The following SYNDIG1L variants were observed in gnomAD, a reference collection of about 807,000 sequenced individuals.
SYNDIG1L encodes synapse differentiation-inducing gene protein 1-like.
Under a neutral mutation model 20.1 loss-of-function variants are expected in SYNDIG1L, and 13 were observed. The observed-to-expected ratio is 0.65, with a 90% confidence interval of 0.42 to 1.03. SYNDIG1L has a LOEUF of 1.03. Ranked by LOEUF, SYNDIG1L falls within the 50% of genes least tolerant of loss-of-function variation. SYNDIG1L has a pLI of 0.00. For missense variants in SYNDIG1L, 294 were observed against 305.1 expected (o/e 0.96, Z 0.27); for synonymous variants, 128 against 129.3 (o/e 0.99, Z 0.07).
At chr14:74,445,929 A>G in the SYNDIG1L span, among the ~76,000 whole-genome samples, 3 of 152,178 alleles carry the variant, frequency 2.0e-5, no homozygotes, top group African/African-American at 4.8e-5. Context: ...ATTCCTCAAA[A>G]TAATAACCCT....
chr14:74,421,730 G>A (rs757204861), intron 1 of SYNDIG1L, among the ~76,000 whole-genome samples: 5 of 152,176 alleles, frequency 3.3e-5, no homozygotes, highest in Non-Finnish European at 5.9e-5. Flanking sequence ...GAGAATCGTC[G>A]AAGGACCTTT....
chr14:74,425,460 A>T (rs570747462), intron 1 of SYNDIG1L, among the ~76,000 whole-genome samples: 8 of 152,342 alleles, frequency 5.3e-5, no homozygotes, highest in Admixed American at 4.6e-4. Flanking sequence ...CAGGGCAGAG[A>T]AATCTCAGAG....
chr14:74,412,446 G>T (rs1474972442), intron 1 of SYNDIG1L, among the ~76,000 whole-genome samples: 1 of 152,176 alleles, frequency 6.6e-6, no homozygotes, highest in Non-Finnish European at 1.5e-5. Context: ...TTTTGATGTG[G>T]CCTCTCAGTT....
At chr14:74,447,985 A>T in the SYNDIG1L span, among the ~76,000 whole-genome samples, 50 of 152,306 alleles carry the variant, frequency 3.3e-4, no homozygotes, top group African/African-American at 1.1e-3. Flanking sequence ...CCCCTAAGTA[A>T]GTCCTAAAGT....
At chr14:74,478,673 T>C in the SYNDIG1L span, among the ~76,000 whole-genome samples, 446 of 152,304 alleles carry the variant, frequency 2.9e-3, 1 homozygote, top group African/African-American at 0.01. Context: ...TCCAGGCCTT[T>C]CAGAAAGTTC....
chr14:74,464,708 A>G, the SYNDIG1L span, among the ~76,000 whole-genome samples: 1 of 152,210 alleles, frequency 6.6e-6, no homozygotes, highest in East Asian at 1.9e-4. Context: ...GCACGTAACA[A>G]TCCCCTCCCT....
the SYNDIG1L span, among the ~76,000 whole-genome samples, chr14:74,439,341 C>A: frequency 6.6e-6 from 1 of 152,110 alleles, no homozygotes; most frequent in Admixed American, 6.5e-5. Flanking sequence ...TTAAACAACA[C>A]ACCTTAAGTC....
the SYNDIG1L span, among the ~76,000 whole-genome samples, chr14:74,465,816 G>A: frequency 3.2e-4 from 49 of 152,198 alleles, 1 homozygote; most frequent in Admixed American, 3.0e-3. Flanking sequence ...TAGAAGTGGG[G>A]TCTTCACTGG....
At chr14:74,474,066 A>T in the SYNDIG1L span, 1 of 152,238 alleles carries the variant, frequency 6.6e-6, no homozygotes, top group African/African-American at 2.4e-5. Context: ...ATTAACTGCT[A>T]GTCCTCTGCA....
chr14:74,440,458 T>G, the SYNDIG1L span, among the ~76,000 whole-genome samples: 9 of 140,262 alleles, frequency 6.4e-5, no homozygotes, highest in South Asian at 2.2e-4. Flanking sequence ...GAGCTTGCAG[T>G]GAGCCAAGAT....
At chr14:74,430,493 T>C (rs981247715), upstream of SYNDIG1L, among the ~76,000 whole-genome samples, 21 of 151,648 alleles carry the variant, frequency 1.4e-4, no homozygotes, top group Admixed American at 1.1e-3. Flanking sequence ...TAGAGTGCAA[T>C]GGCATGATCT....
At chr14:74,473,193 C>T in the SYNDIG1L span, among the ~76,000 whole-genome samples, 2 of 151,314 alleles carry the variant, frequency 1.3e-5, no homozygotes, top group South Asian at 4.2e-4. Context: ...TAAGACTAGC[C>T]TGGCCAATAT....
At chr14:74,453,645 A>G in the SYNDIG1L span, among the ~76,000 whole-genome samples, 2 of 152,034 alleles carry the variant, frequency 1.3e-5, no homozygotes, top group African/African-American at 4.8e-5. Context: ...AAGAAGTTAG[A>G]AAAAGAAGAC....
At chr14:74,454,534 T>A in the SYNDIG1L span, among the ~76,000 whole-genome samples, 1 of 152,346 alleles carries the variant, frequency 6.6e-6, no homozygotes, top group South Asian at 2.1e-4. Flanking sequence ...CGCTTCCTTT[T>A]ATTCATTATA....
At chr14:74,411,578 G>A (rs971582573) in intron 1 of SYNDIG1L, among the ~76,000 whole-genome samples, 1 of 152,194 alleles carries the variant, frequency 6.6e-6, no homozygotes, top group South Asian at 2.1e-4. Flanking sequence ...CTAGGAAGCT[G>A]GTTCCTGAGA....
chr14:74,409,432 G>A lies in SYNDIG1L; in HGVS notation c.313C>T (p.Pro105Ser), dbSNP rs369180673. 5.6e-6 allele frequency: 9 copies of A among 1,613,612 alleles called. No individual in the cohort carries two copies. The African/African-American group carries it at 1.1e-4, about 19-fold the overall frequency. Reference sequence around the variant, plus strand: ...TCTGCAGCTTGGCCAGGTCCTGTGGGCTGCTCTGGAGGCCCCTCCTGGGGC... The same window carrying A: ...TCTGCAGCTTGGCCAGGTCCTGTGGACTGCTCTGGAGGCCCCTCCTGGGGC... ...REPQEGPPEQPTGPGQAAENV... is the reference protein window; with the variant it reads ...REPQEGPPEQSTGPGQAAENV... The change falls in exon 2 of 4, where the codon CCC becomes TCC. Residue 105 changes from proline to serine, a missense_variant. Physicochemically the swap from Pro to Ser is moderately conservative, Grantham distance 74. Transcript: ENST00000331628.
chr14:74,412,977 G>A (rs1359349960), intron 1 of SYNDIG1L, among the ~76,000 whole-genome samples: 1 of 152,122 alleles, frequency 6.6e-6, no homozygotes, highest in Non-Finnish European at 1.5e-5. Flanking sequence ...GGCCCACAGA[G>A]CAGATTACTG....
the SYNDIG1L span, among the ~76,000 whole-genome samples, chr14:74,458,621 C>CAAAAAAAA: frequency 1.0e-4 from 8 of 79,826 alleles, 1 homozygote; most frequent in African/African-American, 3.7e-4. Flanking sequence ...GACTCCATCT[C>CAAAAAAAA]AAAAAAAAAA....
intron 1 of SYNDIG1L, among the ~76,000 whole-genome samples, chr14:74,413,945 C>T (rs1368628726): frequency 6.6e-6 from 1 of 152,180 alleles, no homozygotes; most frequent in Admixed American, 6.5e-5. Context: ...ATGGGGAGTT[C>T]GCGGACGTGA....
Sources: gnomAD v4.1 joint callset for allele counts (sites outside exome capture counted in the v4.1 genomes callset) on GRCh38, gnomAD v4.1.1 for gene constraint, MANE v1.5 for transcripts, NCBI Gene and HGNC (gene_info 2026-07-23, HGNC 2026-07-21) for gene names.